Variants in RNF41 observed in about 807,000 individuals in gnomAD.
RNF41 encodes the protein E3 ubiquitin-protein ligase NRDP1.
RNF41 carries 4 observed loss-of-function variants against 33.0 expected under a neutral mutation model. The observed-to-expected ratio is 0.12, with a 90% CI of 0.06 to 0.28. The LOEUF is 0.28. RNF41 is among the 10% of genes least tolerant of loss of function. The pLI is 1.00. For missense variants in RNF41, 228 were observed against 432.6 expected, an observed-to-expected ratio of 0.53 and a Z score of 4.19; for synonymous variants, 164 against 153.2, an observed-to-expected ratio of 1.07 and a Z score of -0.52.
In RNF41 at chr12:56,206,947, C is replaced by G; in HGVS notation, c.603-149G>C. On this transcript the variant is annotated intron_variant, in intron 6 of 6. Coordinates refer to ENST00000345093, the MANE Select transcript of RNF41 (RefSeq NM_005785.4). The surrounding 1 kb of genome is among the most constrained non-coding windows in gnomAD (Gnocchi z 5.7). ...CATCATTGGCTCAGAAACCCCAAAT[C>G]TTTCCCCACTTGGTCCCAACTGAGT... The G allele has an allele frequency of 1.1e-6, 1 of 927,888 alleles. No individual in the cohort carries two copies. Among genetic ancestry groups the G allele is most frequent in the Non-Finnish European group, 1.6e-6 (1 of 636,300 alleles). 57.5% of individuals were successfully genotyped at this position (927,888 alleles called of 1,614,324 possible).
intron 1 of RNF41, among the ~76,000 whole-genome samples, chr12:56,219,884 G>GT (rs1464196360): frequency 2.6e-5 from 4 of 151,694 alleles, no homozygotes; most frequent in Non-Finnish European, 5.9e-5. Flanking sequence ...GCATGATGGC[G>GT]TGAGTGCCTG....
chr12:56,216,947 T>C (rs1868940085), intron 1 of RNF41, among the ~76,000 whole-genome samples: 1 of 151,502 alleles, frequency 6.6e-6, no homozygotes, highest in Admixed American at 6.6e-5. Flanking sequence ...AAGACCGTCC[T>C]GGCTAACACG....
chr12:56,211,208 A>G (rs1210542514), intron 3 of RNF41, among the ~76,000 whole-genome samples: 1 of 151,988 alleles, frequency 6.6e-6, no homozygotes, highest in Non-Finnish European at 1.5e-5. Flanking sequence ...GCACGTGCCT[A>G]TAGTCCCAGC....
chr12:56,214,520 T>TA (rs35169878), intron 2 of RNF41, among the ~76,000 whole-genome samples: 96 of 132,488 alleles, frequency 7.2e-4, no homozygotes, highest in African/African-American at 2.7e-3. Flanking sequence ...CCTCAGTCTC[T>TA]AAAAAAAAAA....
At position 56,208,253 on chromosome 12, in the gene RNF41, C is replaced by T; in HGVS notation, c.408G>A (p.Lys136=). 2 of 1,614,186 alleles carry T rather than the reference C, an allele frequency of 1.2e-6. No individual in the cohort carries two copies. The highest frequency in any genetic ancestry group is 8.5e-7 in the Non-Finnish European group (1 of 1,180,046). The change falls in exon 5 of 7, where the codon AAG becomes AAA. Residue 136 remains lysine (K), a synonymous_variant. Coordinates refer to ENST00000345093, the MANE Select transcript of RNF41 (RefSeq NM_005785.4). ...GCTGCTGTACCACTGAGCGCAGGTG[C>T]TTAATGCAGTTATGGTTGGGCAGCT... is the stretch of plus-strand genomic sequence containing the variant. ...KDELPNHNCI[K]HLRSVVQQQQ...
chr12:56,212,316 T>A (rs1868541948), intron 3 of RNF41, among the ~76,000 whole-genome samples: 1 of 152,170 alleles, frequency 6.6e-6, no homozygotes, highest in African/African-American at 2.4e-5. Context: ...CTATGTTCAT[T>A]TTTCACCTAT....
At chr12:56,219,971 C>T (rs111883005) in intron 1 of RNF41, among the ~76,000 whole-genome samples, 3 of 151,072 alleles carry the variant, frequency 2.0e-5, no homozygotes, top group Admixed American at 2.0e-4. Context: ...GAGCAGAGAT[C>T]GCAGCACCGC....
chr12:56,202,811 G>A lies in RNF41; in HGVS notation c.*3636C>T, dbSNP rs1475572962. Reference sequence around the variant, plus strand: ...ACTCTAGTGAGTATCTCACAGGGCAGACATTCAATGAATATTTGTTTCTAA... The same window carrying A: ...ACTCTAGTGAGTATCTCACAGGGCAAACATTCAATGAATATTTGTTTCTAA... On this transcript the variant is annotated 3_prime_UTR_variant, in exon 7 of 7. Coordinates refer to ENST00000345093, the MANE Select transcript of RNF41 (RefSeq NM_005785.4). 6.6e-6 allele frequency: 1 copy of A among 152,170 alleles called. No homozygotes were observed. The highest frequency in any genetic ancestry group is 2.4e-5 in the African/African-American group (1 of 41,430). The allele number at this position is 152,170 out of a possible 1,614,324, so 9.4% of individuals were successfully genotyped here. A position where few individuals can be genotyped will look rare whatever the true frequency, so the allele number is the denominator to read the frequency against.
At chr12:56,210,656 A>C (rs1221546520) in intron 3 of RNF41, 88 bp from the exon 4 acceptor site, 1 of 1,361,802 alleles carries the variant, frequency 7.3e-7, no homozygotes, top group Non-Finnish European at 1.0e-6. Context: ...AAGCCAATCA[A>C]GCCTTTGAGC....
intron 1 of RNF41, among the ~76,000 whole-genome samples, chr12:56,220,403 G>A (rs1238027142): frequency 6.6e-6 from 1 of 151,704 alleles, no homozygotes; most frequent in Non-Finnish European, 1.5e-5. Context: ...TTTTAGTAGA[G>A]ACGGGGTTTC....
chr12:56,220,729 T>TC (rs1555229352), intron 1 of RNF41, among the ~76,000 whole-genome samples: 1 of 143,332 alleles, frequency 7.0e-6, no homozygotes, highest in Non-Finnish European at 1.5e-5. Context: ...AGACTCCGTT[T>TC]CAAAAAAAAA....
chr12:56,206,895 G>C lies in RNF41; in HGVS notation c.603-97C>G. On this transcript the variant is annotated intron_variant, in intron 6 of 6. Coordinates refer to ENST00000345093, the MANE Select transcript of RNF41 (RefSeq NM_005785.4). This position sits in a 1 kb window ranked among gnomAD's most constrained non-coding sequence, Gnocchi z 5.7. Reference sequence around the variant, plus strand: ...GAAATAACTACCCACTCTGCACTCAGCTTACCTATTCTTCCTTCTTTCCTT... The same window carrying C: ...GAAATAACTACCCACTCTGCACTCACCTTACCTATTCTTCCTTCTTTCCTT... 2 of 996,018 alleles carry C rather than the reference G, an allele frequency of 2.0e-6. No homozygotes were observed. The highest frequency in any genetic ancestry group is 1.7e-5 in the South Asian group (1 of 58,694). 61.7% of individuals were successfully genotyped at this position (996,018 alleles called of 1,614,324 possible).
intron 3 of RNF41, among the ~76,000 whole-genome samples, chr12:56,211,829 G>A (rs1019534372): frequency 7.2e-5 from 11 of 151,976 alleles, no homozygotes; most frequent in East Asian, 1.9e-4. Context: ...AAAATTAGCC[G>A]GGCGTGGTGG....
At chr12:56,219,660 T>C (rs78832251) in intron 1 of RNF41, among the ~76,000 whole-genome samples, 1,545 of 9,364 alleles carry the variant, frequency 0.16, 13 homozygotes, top group South Asian at 0.44. Flanking sequence ...TGTGTGTATA[T>C]ATGTGTATAT....
chr12:56,221,238 C>A (rs187545511), intron 1 of RNF41, among the ~76,000 whole-genome samples: 2 of 151,980 alleles, frequency 1.3e-5, no homozygotes, highest in Non-Finnish European at 2.9e-5. Context: ...GCAAACCAAG[C>A]GCAGGGATGT....
At chr12:56,217,870 C>A (rs1337718410) in intron 1 of RNF41, among the ~76,000 whole-genome samples, 7 of 152,100 alleles carry the variant, frequency 4.6e-5, no homozygotes, top group African/African-American at 1.7e-4. Flanking sequence ...CAAAACCATC[C>A]CCTCGCCCAC....
At position 56,203,019 on chromosome 12, in the gene RNF41, A is replaced by C. The variant is rs1878655357; in HGVS notation, c.*3428T>G. ...ACATGCTTATCAGTATTTTATAAAC[A>C]TACCTTGTGTGCATAGAAGCGCAGA... On this transcript the variant is annotated 3_prime_UTR_variant, in exon 7 of 7. Coordinates refer to ENST00000345093, the MANE Select transcript of RNF41 (RefSeq NM_005785.4). The C allele has an allele frequency of 6.9e-6, 1 of 145,416 alleles. No individual in the cohort carries two copies. The highest frequency in any genetic ancestry group is 2.5e-5 in the African/African-American group (1 of 39,964). The allele number at this position is 145,416 out of a possible 1,614,324, so 9.0% of individuals were successfully genotyped here. A position where few individuals can be genotyped will look rare whatever the true frequency, so the allele number is the denominator to read the frequency against.
chr12:56,206,972 TCAC>T lies in RNF41; in HGVS notation c.603-177_603-175del, dbSNP rs1407140090. On this transcript the variant is annotated intron_variant, in intron 6 of 6. Coordinates refer to ENST00000345093, the MANE Select transcript of RNF41 (RefSeq NM_005785.4). The surrounding 1 kb of genome is among the most constrained non-coding windows in gnomAD (Gnocchi z 5.7). ...CTTTCCCCACTTGGTCCCAACTGAG[TCAC>T]CACATGTTACTCACCAGATTAAATT... Among the ~76,000 whole-genome samples the T allele has an allele frequency of 6.6e-6, 1 of 152,146 alleles. No homozygotes were observed. Among genetic ancestry groups the T allele is most frequent in the African/African-American group, 2.4e-5 (1 of 41,426 alleles).
At chr12:56,210,098 T>G in intron 4 of RNF41, 199 bp downstream of exon 4, 2 of 603,396 alleles carry the variant, frequency 3.3e-6, no homozygotes, top group Non-Finnish European at 5.8e-6. Context: ...CCCCTTCTTT[T>G]GTTAAAGCAA....
Sources: allele counts gnomAD v4.1 joint callset (sites outside exome capture counted in the v4.1 genomes callset), GRCh38; gene constraint gnomAD v4.1.1; non-coding constraint Gnocchi (gnomAD v3.1); transcripts MANE v1.5; gene names NCBI Gene and HGNC (gene_info 2026-07-23, HGNC 2026-07-21).